The following COL16A1 variants were observed in gnomAD, a reference collection of about 807,000 sequenced individuals.
The protein encoded by COL16A1 is collagen type XVI alpha 1 chain.
Under a neutral mutation model 266.3 loss-of-function variants are expected in COL16A1, and 189 were observed. That is an observed-to-expected ratio of 0.71 (90% CI 0.63 to 0.80). The LOEUF is 0.80. Among genes scored for constraint, COL16A1 ranks in the 30% least tolerant of loss-of-function variants. The probability of loss-of-function intolerance (pLI) is 0.00; values close to 1 mark genes in which losing one functional copy is unlikely to be tolerated. For missense variants in COL16A1, 1,928 were observed against 2,122.4 expected (o/e 0.91, Z 1.80); for synonymous variants, 740 against 782.3 (o/e 0.95, Z 0.90).
intron 62 of COL16A1, 95 bp downstream of exon 62, chr1:31,660,490 C>G: frequency 6.5e-7 from 1 of 1,533,886 alleles, no homozygotes; most frequent in African/African-American, 1.4e-5. Context: ...GCCCCTATGG[C>G]AAGTTCTCTC....
chr1:31,667,017 T>A (rs899963576), intron 52 of COL16A1, among the ~76,000 whole-genome samples: 1 of 152,088 alleles, frequency 6.6e-6, no homozygotes, highest in African/African-American at 2.4e-5. Flanking sequence ...CCTGATGGAG[T>A]TTGCTGAATC....
rs374633657 is a variant in COL16A1 at position 31,662,359 on chromosome 1, C to G, written c.3656G>C (p.Gly1219Ala). Reference sequence around the variant, plus strand: ...CCTCAAGCCAGGCTTGCCGTCCTTCCCATCCAAACCATCCAGACCGGCGGG... The same window carrying G: ...CCTCAAGCCAGGCTTGCCGTCCTTCGCATCCAAACCATCCAGACCGGCGGG... ...QGPAGLDGLDGKDGKPGLRGD... is the reference protein window; with the variant it reads ...QGPAGLDGLDAKDGKPGLRGD... Residue 1219 changes from glycine (G) to alanine (A), a missense_variant, in exon 58 of 71, where the codon GGG becomes GCG. Transcript: ENST00000373672. The G allele has an allele frequency of 6.2e-7, 1 of 1,600,266 alleles. No homozygotes were observed.
chr1:31,689,271 C>CG, intron 23 of COL16A1, 186 bp from the exon 24 acceptor site: 8 of 965,506 alleles, frequency 8.3e-6, no homozygotes, highest in East Asian at 2.7e-5. Context: ...AGGAGCGTGG[C>CG]GGGGGGAATG....
rs375913632 is a variant in COL16A1 at position 31,695,681 on chromosome 1, G to A, written c.945+80C>T. ...CTGTGTAGTCAGCCAGCACCCCTAT[G>A]CTGAGGATCCGTGCCCAAAGCCTGG... On this transcript the variant is annotated intron_variant, in intron 10 of 70. Coordinates refer to ENST00000373672, the MANE Select transcript of COL16A1 (RefSeq NM_001856.4). 6.1e-4 allele frequency: 845 copies of A among 1,379,358 alleles called. 1 individual carries two copies. Among genetic ancestry groups the A allele is most frequent in the Non-Finnish European group, 7.8e-4 (756 of 972,208 alleles). 85.4% of individuals were successfully genotyped at this position (1,379,358 alleles called of 1,614,324 possible). A position where few individuals can be genotyped will look rare whatever the true frequency, so the allele number is the denominator to read the frequency against.
Position 31,686,090 on chromosome 1 carries a change from C to T in COL16A1, c.1884+1G>A. ...AGCACGGAGAATGTCCCCAGACTCA[C>T]CTTCGCCCCTTTGATGCCTGCTGGC... On this transcript the variant is annotated splice_donor_variant, in intron 28 of 70. Coordinates refer to ENST00000373672, the MANE Select transcript of COL16A1 (RefSeq NM_001856.4). LOFTEE classifies it high-confidence loss of function. 6.2e-7 allele frequency: 1 copy of T among 1,614,054 alleles called. No homozygotes were observed. Among genetic ancestry groups the T allele is most frequent in the African/African-American group, 1.3e-5 (1 of 75,016 alleles).
chr1:31,665,401 A>G, intron 55 of COL16A1, 167 bp from the exon 56 acceptor site: 2 of 1,418,252 alleles, frequency 1.4e-6, no homozygotes, highest in Non-Finnish European at 1.9e-6. Flanking sequence ...GCTGGGGCCC[A>G]CACAAGAGGC....
At position 31,692,813 on chromosome 1, in the gene COL16A1, G is replaced by A. The variant is rs1178720902; in HGVS notation, c.1072-5C>T. 2 of 1,613,684 alleles carry A rather than the reference G, an allele frequency of 1.2e-6. No individual in the cohort carries two copies. Among genetic ancestry groups the A allele is most frequent in the Admixed American group, 1.7e-5 (1 of 60,018 alleles). On this transcript the variant is annotated splice_region_variant and splice_polypyrimidine_tract_variant and intron_variant, in intron 13 of 70. Coordinates refer to ENST00000373672, the MANE Select transcript of COL16A1 (RefSeq NM_001856.4). ...GATTCGAACACAGTCATTGCCCTGG[G>A]AGTAGGGAACAAGGGATCAGGGGTG...
intron 42 of COL16A1, among the ~76,000 whole-genome samples, chr1:31,678,946 C>T (rs1643400852): frequency 1.3e-5 from 2 of 152,212 alleles, no homozygotes; most frequent in East Asian, 3.9e-4. Flanking sequence ...CCTTGCAATT[C>T]CCCAAACACA....
intron 2 of COL16A1, among the ~76,000 whole-genome samples, chr1:31,700,538 G>A (rs1644687687): frequency 6.6e-6 from 1 of 152,248 alleles, no homozygotes; most frequent in Non-Finnish European, 1.5e-5. Flanking sequence ...CAGGTGGGGG[G>A]CAGAGGAGCT....
At position 31,663,346 on chromosome 1, in the gene COL16A1, G is replaced by A. The variant is rs1641856595; in HGVS notation, c.3556-688C>T. 1 of 152,460 alleles carries A rather than the reference G, an allele frequency of 6.6e-6. No individual in the cohort carries two copies. The highest frequency in any genetic ancestry group is 1.5e-5 in the Non-Finnish European group (1 of 68,212). 9.4% of individuals were successfully genotyped at this position (152,460 alleles called of 1,614,324 possible). A position where few individuals can be genotyped will look rare whatever the true frequency, so the allele number is the denominator to read the frequency against. The stretch of plus-strand genomic sequence containing the variant: ...GATGCTAGACTCTGAGGATGTCTGG[G>A]ATTGGGCAGGTGGAGGAGAAAAGTG... On this transcript the variant is annotated intron_variant, in intron 56 of 70. Transcript: ENST00000373672. The surrounding 1 kb of genome is among the most constrained non-coding windows in gnomAD (Gnocchi z 4.9).
chr1:31,677,764 A>C (rs1643309600), intron 42 of COL16A1, among the ~76,000 whole-genome samples: 1 of 152,170 alleles, frequency 6.6e-6, no homozygotes, highest in Non-Finnish European at 1.5e-5. Context: ...CCCACCTGGC[A>C]TGGGGCAGGT....
At chr1:31,691,393 CAGG>C in intron 19 of COL16A1, 21 bp downstream of exon 19, 6 of 1,600,690 alleles carry the variant, frequency 3.7e-6, no homozygotes, top group Non-Finnish European at 5.1e-6. Flanking sequence ...AAAAGCACAG[CAGG>C]AGAAGCAAGG....
At chr1:31,700,864 TGGGTTAGGGCTCCCA>T (rs1644700309) in intron 2 of COL16A1, among the ~76,000 whole-genome samples, 1 of 152,158 alleles carries the variant, frequency 6.6e-6, no homozygotes, top group Non-Finnish European at 1.5e-5. Context: ...GGCATATTAA[TGGGTTAGGGCTCCCA>T]GAGAAGGAGA....
At chr1:31,681,190 G>C (rs971625932) in intron 37 of COL16A1, 123 bp from the exon 38 acceptor site, 1 of 1,341,220 alleles carries the variant, frequency 7.5e-7, no homozygotes, top group African/African-American at 1.5e-5. Context: ...GCCCAGGGCC[G>C]AGGGCCCACG....
chr1:31,672,144 T>C (rs1642770690), intron 47 of COL16A1, among the ~76,000 whole-genome samples: 1 of 152,150 alleles, frequency 6.6e-6, no homozygotes. Context: ...GAGGTCTCTC[T>C]GAGAAGGAGA....
rs1035846502 is a variant in COL16A1, at chr1:31,700,255, C to T, written c.74-140G>A. 48 of 766,056 alleles carry T rather than the reference C, an allele frequency of 6.3e-5. No individual in the cohort carries two copies. The South Asian group carries it at 7.6e-4, about 12-fold the overall frequency. 47.5% of individuals were successfully genotyped at this position (766,056 alleles called of 1,614,324 possible). Reference sequence around the variant, plus strand: ...AGCTAGATCCTGCCTTCACCACCTGCCTTCTGACCCTGGCTCCCCAGGAAG... The same window carrying T: ...AGCTAGATCCTGCCTTCACCACCTGTCTTCTGACCCTGGCTCCCCAGGAAG... On this transcript the variant is annotated intron_variant, in intron 2 of 70. Coordinates refer to ENST00000373672, the MANE Select transcript of COL16A1 (RefSeq NM_001856.4).
chr1:31,665,453 C>A (rs1164608003), intron 55 of COL16A1, 130 bp downstream of exon 55: 2 of 1,536,622 alleles, frequency 1.3e-6, no homozygotes, highest in Admixed American at 3.7e-5. Context: ...GGCCTGGCCA[C>A]CCAGGCCGTT....
chr1:31,666,341 C>T lies in COL16A1; in HGVS notation c.3358-260G>A. ...GCTGCCCTCTTCTCCTCCAGCATAG[C>T]TCTGATTATGTCACTCTCTTGCTCA... On this transcript the variant is annotated intron_variant, in intron 52 of 70. Transcript: ENST00000373672. 4 of 534,418 alleles carry T rather than the reference C, an allele frequency of 7.5e-6. No individual in the cohort carries two copies. The South Asian group carries it at 1.0e-4, about 14-fold the overall frequency. 33.1% of individuals were successfully genotyped at this position (534,418 alleles called of 1,614,324 possible).
Position 31,697,380 on chromosome 1 carries a change from G to C in COL16A1, c.658-80C>G. 2 of 1,377,084 alleles carry C rather than the reference G, an allele frequency of 1.5e-6. No homozygotes were observed. The highest frequency in any genetic ancestry group is 2.0e-6 in the Non-Finnish European group (2 of 1,002,078). 85.3% of individuals were successfully genotyped at this position (1,377,084 alleles called of 1,614,324 possible). ...CTGGCCCCCCAGGAGGCACAGAGAT[G>C]TCTCTGCCCCAGGATGTGACCTCAG... On this transcript the variant is annotated intron_variant, in intron 6 of 70. Transcript: ENST00000373672. The surrounding 1 kb of genome is among the most constrained non-coding windows in gnomAD (Gnocchi z 4.2).
Sources: allele counts gnomAD v4.1 joint callset (sites outside exome capture counted in the v4.1 genomes callset), GRCh38; gene constraint gnomAD v4.1.1; non-coding constraint Gnocchi (gnomAD v3.1); transcripts MANE v1.5; gene names NCBI Gene and HGNC (gene_info 2026-07-23, HGNC 2026-07-21).